Variants in LRP2 observed in about 807,000 individuals in gnomAD.
LRP2 encodes the protein low-density lipoprotein receptor-related protein 2.
A neutral mutation model predicts 531.0 loss-of-function variants in LRP2; 172 were observed. The ratio of observed to expected loss-of-function variants is 0.32; its 90% confidence interval spans 0.29 to 0.37. The LOEUF (loss-of-function observed/expected upper bound fraction) is 0.37. Among genes scored for constraint, LRP2 ranks in the 10% least tolerant of loss-of-function variants. The pLI, the probability that LRP2 is intolerant of heterozygous loss-of-function variation, is 1.00. For synonymous variants in LRP2, 1,992 were observed against 2,027.6 expected (o/e 0.98, Z 0.47); for missense variants, 5,167 against 5,868.3 (o/e 0.88, Z 3.90).
chr2:169,309,089 A>G (rs1321425956), intron 3 of LRP2, among the ~76,000 whole-genome samples: 1 of 151,790 alleles, frequency 6.6e-6, no homozygotes, highest in Non-Finnish European at 1.5e-5. Context: ...TTTCTTGTAC[A>G]TTTGTTTAAG....
At chr2:169,165,359 A>G (rs1686745480) in intron 62 of LRP2, among the ~76,000 whole-genome samples, 1 of 152,192 alleles carries the variant, frequency 6.6e-6, no homozygotes. Context: ...AAGTACAGCT[A>G]TTTCAATGCC....
At chr2:169,261,828 T>G (rs1040603152) in intron 16 of LRP2, among the ~76,000 whole-genome samples, 3 of 152,058 alleles carry the variant, frequency 2.0e-5, no homozygotes, top group Admixed American at 6.6e-5. Context: ...TGATGAACAT[T>G]GATGCAAAGA....
At chr2:169,348,679 C>A (rs1037038963) in intron 1 of LRP2, among the ~76,000 whole-genome samples, 6 of 152,164 alleles carry the variant, frequency 3.9e-5, no homozygotes, top group Non-Finnish European at 8.8e-5. Context: ...CTAAAAATAG[C>A]AGAATGACCC....
intron 30 of LRP2, among the ~76,000 whole-genome samples, chr2:169,232,609 T>C (rs568237734): frequency 6.6e-6 from 1 of 152,208 alleles, no homozygotes; most frequent in African/African-American, 2.4e-5. Flanking sequence ...GGGGTGGCTA[T>C]TTTAGGTAGA....
chr2:169,246,564 G>T, intron 21 of LRP2, 141 bp downstream of exon 21: 1 of 1,002,442 alleles, frequency 1.0e-6, no homozygotes, highest in Non-Finnish European at 1.5e-6. Context: ...CTTCCTAAAA[G>T]CCTTCAAAGT....
intron 42 of LRP2, among the ~76,000 whole-genome samples, chr2:169,203,361 C>A (rs1273285276): frequency 2.0e-5 from 3 of 152,116 alleles, no homozygotes; most frequent in Non-Finnish European, 4.4e-5. Flanking sequence ...AATGTAAATC[C>A]TTTTATAAGG....
Position 169,279,613 on chromosome 2 carries a change from A to T in LRP2, c.1342-18T>A. 1 of 1,482,306 alleles carries T rather than the reference A, an allele frequency of 6.7e-7. No homozygotes were observed. 91.8% of individuals were successfully genotyped at this position (1,482,306 alleles called of 1,614,324 possible). A position where few individuals can be genotyped will look rare whatever the true frequency, so the allele number is the denominator to read the frequency against. On this transcript the variant is annotated intron_variant, in intron 11 of 78. Transcript: ENST00000649046. ...GAAAAAACCTGAAAGAAAAACCAAA[A>T]TTATTATATTTCTTCAGCATCACTA...
In LRP2 at chr2:169,216,959, T is replaced by C. The variant is rs529091492; in HGVS notation, c.5649-529A>G. On this transcript the variant is annotated intron_variant, in intron 34 of 78. Transcript: ENST00000649046. The stretch of plus-strand genomic sequence containing the variant: ...CTGACACAGAAAATAGGAGAAATAA[T>C]GAGTAACACTTTTCTGTGAGAGTGG... Among the ~76,000 whole-genome samples, 8 of 152,296 alleles carry C rather than the reference T, an allele frequency of 5.3e-5. No individual in the cohort carries two copies. In the South Asian group the frequency reaches 1.5e-3, roughly 28 times the overall value.
At chr2:169,211,095 A>G (rs560630693) in intron 37 of LRP2, among the ~76,000 whole-genome samples, 4 of 152,362 alleles carry the variant, frequency 2.6e-5, no homozygotes, top group African/African-American at 9.6e-5. Context: ...CTTTTTAGAT[A>G]TGGAAAAACA....
At position 169,271,032 on chromosome 2, in the gene LRP2, T is replaced by C. The variant is rs1377413329; in HGVS notation, c.2192A>G (p.Asp731Gly). ...ATTCCCCGAAACTGGAACCATGACA[T>C]CTTCCTGGGTAGACAAGGTGAACGG... ...GIPFTLSTQE[D>G]VMVPVSGNPS... is the part of the protein sequence containing the mutation. The change falls in exon 16 of 79, where the codon GAT becomes GGT. Residue 731 changes from aspartate to glycine, a missense_variant. Asp to Gly is a moderately conservative substitution (Grantham distance 94, BLOSUM62 -1). Transcript: ENST00000649046. The C allele has an allele frequency of 6.2e-7, 1 of 1,613,190 alleles. No individual in the cohort carries two copies. The highest frequency in any genetic ancestry group is 8.5e-7 in the Non-Finnish European group (1 of 1,179,492).
intron 1 of LRP2, among the ~76,000 whole-genome samples, chr2:169,335,755 C>T (rs767336324): frequency 2.6e-5 from 4 of 151,812 alleles, no homozygotes; most frequent in African/African-American, 4.8e-5. Context: ...GGATTACTCC[C>T]GTAATCCCAG....
At chr2:169,173,805 G>T in intron 56 of LRP2, 114 bp downstream of exon 56, 1 of 1,442,626 alleles carries the variant, frequency 6.9e-7, no homozygotes, top group Admixed American at 1.7e-5. Flanking sequence ...GAGTGCCAAG[G>T]GGGAGCATCC....
At chr2:169,135,077 C>T (rs1423246751) in intron 76 of LRP2, among the ~76,000 whole-genome samples, 1 of 152,256 alleles carries the variant, frequency 6.6e-6, no homozygotes, top group African/African-American at 2.4e-5. Context: ...CTCCTTCCAG[C>T]CTCACAGGCC....
In LRP2 at chr2:169,275,107, G is replaced by A. The variant is rs112146438; in HGVS notation, c.1904C>T (p.Pro635Leu). 1.2e-6 allele frequency: 2 copies of A among 1,613,762 alleles called. No individual in the cohort carries two copies. Among genetic ancestry groups the A allele is most frequent in the African/African-American group, 1.3e-5 (1 of 75,012 alleles). Reference protein sequence around the residue: ...LKANKFTETNPQVYYQASLRP... With the variant: ...LKANKFTETNLQVYYQASLRP... ...CAGGGAAGCCTGGTAGTACACTTGT[G>A]GGTTGGTCTCTGTGAACTTGTTTGC... The change falls in exon 14 of 79, where the codon CCA (proline) becomes CTA (leucine). Residue 635 changes from proline (P) to leucine (L), a missense_variant. Coordinates refer to ENST00000649046, the MANE Select transcript of LRP2 (RefSeq NM_004525.3).
At chr2:169,198,459 G>A (rs1413655540) in intron 45 of LRP2, among the ~76,000 whole-genome samples, 1 of 152,034 alleles carries the variant, frequency 6.6e-6, no homozygotes, top group Admixed American at 6.6e-5. Flanking sequence ...ATAATATTAA[G>A]AGTAAATTAT....
intron 31 of LRP2, among the ~76,000 whole-genome samples, chr2:169,230,935 T>C (rs1216727903): frequency 6.6e-6 from 1 of 152,118 alleles, no homozygotes; most frequent in African/African-American, 2.4e-5. Context: ...ATAGTAACAG[T>C]ACTGAAATTG....
intron 12 of LRP2, among the ~76,000 whole-genome samples, chr2:169,278,175 A>G (rs1683604387): frequency 6.6e-6 from 1 of 152,042 alleles, no homozygotes; most frequent in Non-Finnish European, 1.5e-5. Context: ...ATGCACTAAT[A>G]TGGCAGTCTA....
rs1686366959 is a variant in LRP2, at chr2:169,157,305, G to C, written c.12019+66C>G. 8.8e-6 allele frequency: 13 copies of C among 1,481,120 alleles called. No homozygotes were observed. In the South Asian group the frequency reaches 1.3e-4, roughly 14 times the overall value. The allele number at this position is 1,481,120 out of a possible 1,614,324, so 91.7% of individuals were successfully genotyped here. ...TTAAATAGTGATTTATTTAACAAAG[G>C]GGAGTGGGTGGAGAACCTTAGATGT... On this transcript the variant is annotated intron_variant, in intron 64 of 78. Coordinates refer to ENST00000649046, the MANE Select transcript of LRP2 (RefSeq NM_004525.3).
At position 169,154,525 on chromosome 2, in the gene LRP2, T is replaced by C. The variant is rs1686262200; in HGVS notation, c.12230A>G (p.Tyr4077Cys). 1 of 1,612,640 alleles carries C rather than the reference T, an allele frequency of 6.2e-7. No individual in the cohort carries two copies. Among genetic ancestry groups the C allele is most frequent in the Admixed American group, 1.7e-5 (1 of 59,948 alleles). ...YNLSSERFSE[Y>C]LQDEEYIQAV... ...TTGGATATATTCCTCATCTTGAAGA[T>C]ACTCTGAGAACCTCTCAGATGAGAG... is the stretch of plus-strand genomic sequence containing the variant. The change falls in exon 66 of 79, where the codon TAT becomes TGT. Residue 4077 changes from tyrosine to cysteine, a missense_variant. Tyr to Cys is a radical substitution (Grantham distance 194, BLOSUM62 -2). Transcript: ENST00000649046.
Sources: gnomAD v4.1 joint callset for allele counts (sites outside exome capture counted in the v4.1 genomes callset) on GRCh38, gnomAD v4.1.1 for gene constraint, MANE v1.5 for transcripts, NCBI Gene and HGNC (gene_info 2026-07-23, HGNC 2026-07-21) for gene names.